Variants in COL3A1 observed in about 807,000 individuals in gnomAD.
COL3A1 encodes collagen type III alpha 1 chain.
Under a neutral mutation model 200.9 loss-of-function variants are expected in COL3A1, and 46 were observed. The observed-to-expected ratio is 0.23, with a 90% CI of 0.18 to 0.29. COL3A1 has a LOEUF of 0.29. COL3A1 is among the 10% of genes least tolerant of loss of function. COL3A1 has a pLI of 1.00. For missense variants in COL3A1, 1,367 were observed against 1,917.6 expected, an observed-to-expected ratio of 0.71 and a Z score of 5.36; for synonymous variants, 650 against 628.0, an observed-to-expected ratio of 1.03 and a Z score of -0.52.
chr2:188,994,819 T>C lies in COL3A1; in HGVS notation c.1443T>C (p.Ala481=). The C allele has an allele frequency of 6.2e-7, 1 of 1,613,574 alleles. No individual in the cohort carries two copies. The highest frequency in any genetic ancestry group is 8.5e-7 in the Non-Finnish European group (1 of 1,179,972). ...CTGGTGCAAATGGGCTTCCAGGAGC[T>C]GCAGGAGAAAGGGTACGTTTTCCAT... ...GEPGANGLPG[A]AGERGAPGFR... is the part of the protein sequence containing the mutation. Residue 481 remains alanine (A), a synonymous_variant, in exon 20 of 51, where the codon GCT becomes GCC. Coordinates refer to ENST00000304636, the MANE Select transcript of COL3A1 (RefSeq NM_000090.4). This position sits in a 1 kb window ranked among gnomAD's most constrained non-coding sequence, Gnocchi z 4.5.
intron 50 of COL3A1, 148 bp downstream of exon 50, chr2:189,011,038 C>A: frequency 9.5e-7 from 1 of 1,050,614 alleles, no homozygotes; most frequent in Non-Finnish European, 1.4e-6. Context: ...TCTACTGATT[C>A]ATTGCAGGGA....
Position 188,998,725 on chromosome 2 carries a change from T to A in COL3A1, c.2022+7T>A. 2.5e-6 allele frequency: 4 copies of A among 1,613,272 alleles called. No individual in the cohort carries two copies. Among genetic ancestry groups the A allele is most frequent in the Non-Finnish European group, 3.4e-6 (4 of 1,179,362 alleles). ...TGGAGCTCCAGGAGGCAAGGTAGTA[T>A]TTCAATTTATTCTCTACCTTCTTCA... On this transcript the variant is annotated splice_region_variant and intron_variant, in intron 29 of 50. Transcript: ENST00000304636.
rs989664097 is a variant in COL3A1, at chr2:188,980,255, T to C, written c.80-4505T>C. On this transcript the variant is annotated intron_variant, in intron 1 of 50. Transcript: ENST00000304636. ...TTATTATATATGCAATTGCTGGTGG[T>C]TAGATATATGATACTTAAAATTTTC... Among the ~76,000 whole-genome samples the C allele has an allele frequency of 2.6e-5, 4 of 151,428 alleles. No homozygotes were observed. The East Asian group carries it at 7.8e-4, about 29-fold the overall frequency.
chr2:188,977,772 TA>T (rs920703374), intron 1 of COL3A1, among the ~76,000 whole-genome samples: 3 of 152,030 alleles, frequency 2.0e-5, no homozygotes, highest in Admixed American at 2.0e-4. Context: ...AAGGAGATAC[TA>T]AAAAAATTAT....
At chr2:188,982,892 A>C (rs1242243432) in intron 1 of COL3A1, among the ~76,000 whole-genome samples, 3 of 151,918 alleles carry the variant, frequency 2.0e-5, no homozygotes, top group Non-Finnish European at 2.9e-5. Context: ...AGACTGGTGA[A>C]CTTAGTACTT....
chr2:188,996,671 G>T (rs1688327599), intron 24 of COL3A1, among the ~76,000 whole-genome samples, 175 bp downstream of exon 24: 3 of 152,158 alleles, frequency 2.0e-5, no homozygotes, highest in South Asian at 4.1e-4. Flanking sequence ...GGTTGTATGT[G>T]TGTGTATGGA....
chr2:188,982,215 A>G (rs1268658379), intron 1 of COL3A1, among the ~76,000 whole-genome samples: 2 of 151,754 alleles, frequency 1.3e-5, no homozygotes, highest in Non-Finnish European at 3.0e-5. Flanking sequence ...CGTGTTTTAA[A>G]AAGTACTATA....
intron 7 of COL3A1, among the ~76,000 whole-genome samples, chr2:188,989,004 A>T (rs1199578713): frequency 6.6e-6 from 1 of 151,838 alleles, no homozygotes; most frequent in Non-Finnish European, 1.5e-5. Context: ...ATACATATAC[A>T]TATATCTTAG....
intron 49 of COL3A1, 78 bp from the exon 50 acceptor site, chr2:189,010,570 C>A: frequency 6.4e-7 from 1 of 1,564,448 alleles, no homozygotes; most frequent in Non-Finnish European, 8.8e-7. Flanking sequence ...TTACAATATG[C>A]ATACACATAC....
At chr2:188,991,849 A>G in intron 13 of COL3A1, 127 bp downstream of exon 13, 1 of 923,624 alleles carries the variant, frequency 1.1e-6, no homozygotes, top group East Asian at 2.4e-5. Context: ...ACTCAATGAT[A>G]CTGTGATAAA....
chr2:189,012,570 C>T lies in COL3A1; in HGVS notation c.*796C>T, dbSNP rs1688750939. The T allele has an allele frequency of 7.0e-6, 1 of 142,262 alleles. No individual in the cohort carries two copies. The highest frequency in any genetic ancestry group is 1.5e-5 in the Non-Finnish European group (1 of 64,530). 8.8% of individuals were successfully genotyped at this position (142,262 alleles called of 1,614,324 possible). ...CCATCAGAAAGATTCATTGGCATGC[C>T]ACAGGGGATTCTCCTCCTTCATCCT... is the stretch of plus-strand genomic sequence containing the variant. On this transcript the variant is annotated 3_prime_UTR_variant, in exon 51 of 51. Transcript: ENST00000304636.
intron 34 of COL3A1, 42 bp downstream of exon 34, chr2:189,001,631 A>G: frequency 6.2e-7 from 1 of 1,607,276 alleles, no homozygotes; most frequent in Non-Finnish European, 8.5e-7. Context: ...TTAACCCCAT[A>G]CAGACAGTAG....
chr2:188,991,165 A>G, intron 11 of COL3A1, 108 bp downstream of exon 11: 2 of 1,166,578 alleles, frequency 1.7e-6, no homozygotes, highest in Non-Finnish European at 2.5e-6. Flanking sequence ...ATTTACCTGA[A>G]TTTTACCTAT....
chr2:188,991,513 T>A lies in COL3A1; in HGVS notation c.879T>A (p.Asn293Lys), dbSNP rs1576463837. Residue 293 changes from asparagine to lysine, a missense_variant, in exon 12 of 51, where the codon AAT becomes AAA. By Grantham distance (94) the Asn-to-Lys change is moderately conservative. This residue lies in a region of COL3A1 where 462 missense variants were observed against 681.4 expected (regional missense o/e 0.68). Transcript: ENST00000304636. Reference protein sequence around the residue: ...LKGENGLPGENGAPGPMGPRG... With the variant: ...LKGENGLPGEKGAPGPMGPRG... The stretch of plus-strand genomic sequence containing the variant: ...GTGAAAATGGTCTTCCAGGCGAAAA[T>A]GGAGCTCCTGGACCCATGGTAATTA... The A allele has an allele frequency of 3.1e-6, 5 of 1,611,632 alleles. No individual in the cohort carries two copies.
At chr2:188,974,699 C>A in intron 1 of COL3A1, 131 bp downstream of exon 1, 1 of 751,338 alleles carries the variant, frequency 1.3e-6, no homozygotes, top group Non-Finnish European at 2.4e-6. Context: ...GATTGTGAAA[C>A]GTTGAACTGA....
intron 1 of COL3A1, 68 bp downstream of exon 1, chr2:188,974,636 G>A: frequency 7.9e-7 from 1 of 1,272,048 alleles, no homozygotes; most frequent in South Asian, 1.2e-5. Flanking sequence ...AAAGAGGGGT[G>A]TAAAGGGGAA....
chr2:188,991,793 C>CTG, intron 13 of COL3A1, 71 bp downstream of exon 13: 1 of 1,503,306 alleles, frequency 6.7e-7, no homozygotes, highest in Non-Finnish European at 9.3e-7. Flanking sequence ...AGTAAAGTTT[C>CTG]AGGCTGTAAA....
chr2:189,007,672 A>G, intron 45 of COL3A1, 65 bp downstream of exon 45: 1 of 1,409,392 alleles, frequency 7.1e-7, no homozygotes, highest in Non-Finnish European at 9.9e-7. Context: ...TTAAGAGAAG[A>G]AAGCTTTCCA....
Position 189,010,634 on chromosome 2 carries a change from G to T in COL3A1, c.4012-14G>T. The T allele has an allele frequency of 6.2e-7, 1 of 1,614,050 alleles. No individual in the cohort carries two copies. Among genetic ancestry groups the T allele is most frequent in the South Asian group, 1.1e-5 (1 of 91,078 alleles). On this transcript the variant is annotated splice_polypyrimidine_tract_variant and intron_variant, in intron 49 of 50. Coordinates refer to ENST00000304636, the MANE Select transcript of COL3A1 (RefSeq NM_000090.4). ...CTGAAATGTTTGATCTGTTTTATTT[G>T]TTCCCTATTACAGTTTAGCTACGGC...
Sources: gnomAD v4.1 joint callset for allele counts (sites outside exome capture counted in the v4.1 genomes callset) on GRCh38, gnomAD v4.1.1 for gene constraint, gnomAD v4.1.1 regional missense constraint, Gnocchi (gnomAD v3.1) non-coding constraint, MANE v1.5 for transcripts, NCBI Gene and HGNC (gene_info 2026-07-23, HGNC 2026-07-21) for gene names.